Variants in DLGAP1 observed in about 807,000 individuals in gnomAD.
DLGAP1 encodes the protein disks large-associated protein 1.
DLGAP1 carries 11 observed loss-of-function variants against 90.8 expected under a neutral mutation model. The ratio of observed to expected loss-of-function variants is 0.12; its 90% CI spans 0.08 to 0.20. The LOEUF is 0.20. Ranked by LOEUF, DLGAP1 falls within the 10% of genes least tolerant of loss-of-function variation. The pLI, the probability that DLGAP1 is intolerant of heterozygous loss-of-function variation, is 1.00. For missense variants in DLGAP1, 1,050 were observed against 1,333.8 expected (o/e 0.79, Z 3.31); for synonymous variants, 558 against 540.7 (o/e 1.03, Z -0.44).
rs2071100469 is a variant in DLGAP1 at position 3,879,731 on chromosome 18, A to C, written c.338T>G (p.Leu113Arg). ...LLDQFERQLP[L>R]SRDGYHTLQY... Reference sequence around the variant, plus strand: ...CAGGGTGTGATAGCCATCGCGGCTGAGTGGCAGCTGCCGCTCGAACTGGTC... The same window carrying C: ...CAGGGTGTGATAGCCATCGCGGCTGCGTGGCAGCTGCCGCTCGAACTGGTC... Residue 113 changes from leucine (L) to arginine (R), a missense_variant, in exon 4 of 13, where the codon CTC (leucine) becomes CGC (arginine). Transcript: ENST00000315677. The surrounding 1 kb of genome is among the most constrained non-coding windows in gnomAD (Gnocchi z 6.6). 1 of 1,607,660 alleles carries C rather than the reference A, an allele frequency of 6.2e-7. No individual in the cohort carries two copies. Among genetic ancestry groups the C allele is most frequent in the Non-Finnish European group, 8.5e-7 (1 of 1,179,704 alleles).
At chr18:3,829,576 T>C (rs1432772061) in intron 4 of DLGAP1, among the ~76,000 whole-genome samples, 1 of 152,066 alleles carries the variant, frequency 6.6e-6, no homozygotes, top group Non-Finnish European at 1.5e-5. Flanking sequence ...ATTTTAGAGA[T>C]GACTGTGGTG....
At chr18:3,610,070 A>T (rs1182251366) in intron 7 of DLGAP1, among the ~76,000 whole-genome samples, 2 of 151,632 alleles carry the variant, frequency 1.3e-5, no homozygotes, top group Non-Finnish European at 2.9e-5. Context: ...AAAATAAAAT[A>T]AAAAATTGCT....
chr18:3,609,735 T>A (rs1251613696), intron 7 of DLGAP1, among the ~76,000 whole-genome samples: 1 of 151,866 alleles, frequency 6.6e-6, no homozygotes, highest in Non-Finnish European at 1.5e-5. Context: ...CTTCCTAGAT[T>A]ATGTGATGCA....
At chr18:3,657,664 G>A (rs1041566347) in intron 7 of DLGAP1, among the ~76,000 whole-genome samples, 3 of 149,214 alleles carry the variant, frequency 2.0e-5, no homozygotes, top group Non-Finnish European at 3.0e-5. Flanking sequence ...GTGCAGTGGC[G>A]CGATCTCGGC....
chr18:3,525,522 C>T (rs2051559001), intron 10 of DLGAP1, among the ~76,000 whole-genome samples: 1 of 152,168 alleles, frequency 6.6e-6, no homozygotes, highest in Non-Finnish European at 1.5e-5. Context: ...TCCTCAGCCT[C>T]CCGAGTAGCT....
chr18:3,946,039 T>C (rs993198020), intron 3 of DLGAP1, among the ~76,000 whole-genome samples: 1 of 152,194 alleles, frequency 6.6e-6, no homozygotes, highest in Non-Finnish European at 1.5e-5. Flanking sequence ...TGGTTTTTGA[T>C]TTTGGTAGAA....
At chr18:4,302,511 A>ATT (rs71160953) in intron 1 of DLGAP1, among the ~76,000 whole-genome samples, 1 of 151,756 alleles carries the variant, frequency 6.6e-6, no homozygotes, top group East Asian at 1.9e-4. Context: ...GTATTTTTAA[A>ATT]TTTTTTTTAT....
chr18:4,025,291 A>C (rs1223378524), intron 2 of DLGAP1, among the ~76,000 whole-genome samples: 2 of 150,324 alleles, frequency 1.3e-5, no homozygotes, highest in African/African-American at 5.0e-5. Flanking sequence ...TCCCAAATCC[A>C]AAAATCTGAA....
At chr18:3,990,106 C>A (rs527960640) in intron 3 of DLGAP1, among the ~76,000 whole-genome samples, 3,982 of 152,114 alleles carry the variant, frequency 0.026, 120 homozygotes, top group Middle Eastern at 0.13. Flanking sequence ...CTAGAAATAC[C>A]ATTTGACCCA....
chr18:3,717,447 A>T (rs1419021123), intron 7 of DLGAP1, among the ~76,000 whole-genome samples: 1 of 152,216 alleles, frequency 6.6e-6, no homozygotes, highest in Non-Finnish European at 1.5e-5. Context: ...GAGAAAGAAA[A>T]GGAAGGCTTT....
At chr18:3,983,780 A>G (rs531293210) in intron 3 of DLGAP1, 2 of 152,330 alleles carry the variant, frequency 1.3e-5, no homozygotes, top group South Asian at 4.1e-4. Context: ...GAATGGGAAA[A>G]TAAATCATCA....
chr18:4,019,937 A>C (rs1319833746), intron 2 of DLGAP1, among the ~76,000 whole-genome samples: 1 of 152,254 alleles, frequency 6.6e-6, no homozygotes, highest in African/African-American at 2.4e-5. Flanking sequence ...GAGACATAGT[A>C]CATCCATCAA....
intron 1 of DLGAP1, among the ~76,000 whole-genome samples, chr18:4,393,180 T>A (rs2082372899): frequency 6.6e-6 from 1 of 152,188 alleles, no homozygotes; most frequent in African/African-American, 2.4e-5. Context: ...TTGATTGCCT[T>A]AAAATAGAAT....
At chr18:3,995,809 T>A (rs2074058437) in intron 3 of DLGAP1, 1 of 152,080 alleles carries the variant, frequency 6.6e-6, no homozygotes, top group African/African-American at 2.4e-5. Context: ...GATATCTTTC[T>A]GTAAATTATT....
rs139325527 is a variant in DLGAP1, at chr18:4,069,611, G to T, written c.-158-64410C>A. On this transcript the variant is annotated intron_variant, in intron 2 of 12. Transcript: ENST00000315677. ...CCATGCTCTCGCTTGCTCTTGCTCT[G>T]GCCATGTGACATGCCCACTGCCTCT... 2.7e-3 allele frequency among the ~76,000 whole-genome samples: 411 copies of T among 152,206 alleles called. 1 individual carries two copies. Among genetic ancestry groups the T allele is most frequent in the African/African-American group, 9.5e-3 (393 of 41,540 alleles).
At chr18:4,034,903 C>T (rs1037670617) in intron 2 of DLGAP1, among the ~76,000 whole-genome samples, 7 of 148,074 alleles carry the variant, frequency 4.7e-5, no homozygotes, top group East Asian at 3.9e-4. Context: ...CTAATTCTTA[C>T]CACCATTTGA....
At chr18:3,809,503 A>C (rs2066725346) in intron 5 of DLGAP1, among the ~76,000 whole-genome samples, 1 of 152,226 alleles carries the variant, frequency 6.6e-6, no homozygotes, top group Admixed American at 6.5e-5. Context: ...AGAACTGAAA[A>C]TAAATCTTCC....
chr18:3,761,496 G>T (rs898481349), intron 5 of DLGAP1, among the ~76,000 whole-genome samples: 3 of 152,080 alleles, frequency 2.0e-5, no homozygotes, highest in Non-Finnish European at 2.9e-5. Flanking sequence ...TGAACACTTG[G>T]GTTGCTTCCA....
chr18:3,595,286 G>A (rs2240898), intron 7 of DLGAP1, among the ~76,000 whole-genome samples: 98,517 of 152,068 alleles, frequency 0.65, 32,618 homozygotes, highest in African/African-American at 0.76. Context: ...CATTAACTAA[G>A]TTAGCGGAAA....
Sources: gnomAD v4.1 joint callset for allele counts (sites outside exome capture counted in the v4.1 genomes callset) on GRCh38, gnomAD v4.1.1 for gene constraint, Gnocchi (gnomAD v3.1) non-coding constraint, MANE v1.5 for transcripts, NCBI Gene and HGNC (gene_info 2026-07-23, HGNC 2026-07-21) for gene names.